The following DYSF variants were observed in gnomAD, a reference collection of about 807,000 sequenced individuals.
DYSF encodes the protein dysferlin, also known as dystrophy-associated fer-1-like 1.
DYSF carries 212 observed loss-of-function variants against 274.9 expected under a neutral mutation model. The observed-to-expected ratio is 0.77, with a 90% CI of 0.69 to 0.86. The LOEUF is 0.86. Ranked by LOEUF, DYSF falls within the 40% of genes least tolerant of loss-of-function variation. The pLI is 0.00. For synonymous variants in DYSF, 1,091 were observed against 1,078.7 expected (o/e 1.01, Z -0.22); for missense variants, 2,666 against 2,783.2 (o/e 0.96, Z 0.95).
At position 71,503,264 on chromosome 2, in the gene DYSF, G is replaced by T; in HGVS notation, c.290G>T (p.Ser97Ile). ...CTCCGAGAGGTCCTCGCCACCCCTA[G>T]TCTGTCCGCCAGCTTCAATGCCCCC... ...VPLREVLATP[S>I]LSASFNAPLL... is the part of the protein sequence containing the mutation. The change falls in exon 4 of 56, where the codon AGT (serine) becomes ATT (isoleucine). Residue 97 changes from serine to isoleucine, a missense_variant. By Grantham distance (142) the Ser-to-Ile change is moderately radical. Coordinates refer to ENST00000410020, the MANE Select transcript of DYSF (RefSeq NM_001130987.2). The T allele has an allele frequency of 6.2e-7, 1 of 1,614,134 alleles. No homozygotes were observed. Among genetic ancestry groups the T allele is most frequent in the Non-Finnish European group, 8.5e-7 (1 of 1,180,000 alleles).
intron 30 of DYSF, among the ~76,000 whole-genome samples, chr2:71,578,168 G>A (rs553971375): frequency 1.3e-5 from 2 of 152,280 alleles, no homozygotes; most frequent in African/African-American, 2.4e-5. Context: ...GGTGGGCCCC[G>A]AGAATCTCTG....
Position 71,598,633 on chromosome 2 carries a change from C to T in DYSF, c.3644C>T (p.Pro1215Leu). The T allele has an allele frequency of 6.2e-7, 1 of 1,614,200 alleles. No individual in the cohort carries two copies. ...GTGGTGGTGAAGAACACCCTTAACC[C>T]CACCTGGGACCAGACGCTCATCTTC... ...KTVVVKNTLNPTWDQTLIFYE... is the reference protein window; with the variant it reads ...KTVVVKNTLNLTWDQTLIFYE... The change falls in exon 33 of 56, where the codon CCC (proline) becomes CTC (leucine). Residue 1215 changes from proline to leucine, a missense_variant. Coordinates refer to ENST00000410020, the MANE Select transcript of DYSF (RefSeq NM_001130987.2).
At chr2:71,538,846 C>T (rs139318405) in intron 16 of DYSF, among the ~76,000 whole-genome samples, 2 of 152,314 alleles carry the variant, frequency 1.3e-5, no homozygotes, top group East Asian at 3.9e-4. Flanking sequence ...CCTCTGGCCT[C>T]CTCCCTGTCA....
intron 4 of DYSF, among the ~76,000 whole-genome samples, chr2:71,508,520 AT>A (rs1033087817): frequency 1.3e-5 from 2 of 152,066 alleles, no homozygotes; most frequent in African/African-American, 2.4e-5. Context: ...GTAGCTGGAT[AT>A]TTTTTTGAAA....
intron 38 of DYSF, among the ~76,000 whole-genome samples, chr2:71,612,033 TCAGGCCCTC>T (rs1286572966): frequency 1.3e-5 from 2 of 152,096 alleles, no homozygotes; most frequent in Non-Finnish European, 2.9e-5. Context: ...CCCACAGCCC[TCAGGCCCTC>T]CAGGCCTCTC....
intron 17 of DYSF, among the ~76,000 whole-genome samples, chr2:71,544,733 C>T (rs1008511681): frequency 3.3e-5 from 5 of 152,088 alleles, no homozygotes; most frequent in South Asian, 4.1e-4. Flanking sequence ...ATGTTAACAT[C>T]GTTTTTAAGC....
At chr2:71,653,626 C>T (rs1275177064) in intron 42 of DYSF, among the ~76,000 whole-genome samples, 11 of 127,196 alleles carry the variant, frequency 8.6e-5, no homozygotes, top group Non-Finnish European at 1.4e-4. Context: ...CACATGGACA[C>T]AGGAAGGGGA....
At chr2:71,645,585 A>G (rs1182439353) in intron 42 of DYSF, among the ~76,000 whole-genome samples, 1 of 151,310 alleles carries the variant, frequency 6.6e-6, no homozygotes, top group East Asian at 2.0e-4. Flanking sequence ...GCAGGCCAGG[A>G]TGGTCTTGGG....
intron 4 of DYSF, among the ~76,000 whole-genome samples, chr2:71,509,488 T>A (rs1184855991): frequency 1.3e-5 from 2 of 152,216 alleles, no homozygotes; most frequent in Non-Finnish European, 2.9e-5. Context: ...ATATCACTGC[T>A]GTTTCTTGGT....
intron 3 of DYSF, among the ~76,000 whole-genome samples, chr2:71,497,286 G>C (rs1478402292): frequency 6.6e-6 from 1 of 152,150 alleles, no homozygotes; most frequent in Non-Finnish European, 1.5e-5. Context: ...TTTAAAGACT[G>C]TTTGGTGGTG....
At chr2:71,497,001 A>G (rs1167241313) in intron 3 of DYSF, among the ~76,000 whole-genome samples, 2 of 152,206 alleles carry the variant, frequency 1.3e-5, no homozygotes, top group Non-Finnish European at 2.9e-5. Context: ...GTGTGAAATC[A>G]GGCAAGTCAA....
chr2:71,503,025 G>C (rs1393135722), intron 3 of DYSF, among the ~76,000 whole-genome samples, 189 bp from the exon 4 acceptor site: 4 of 152,108 alleles, frequency 2.6e-5, no homozygotes, highest in African/African-American at 4.8e-5. Flanking sequence ...TTCCCTAGGG[G>C]CCAGGCCTTC....
chr2:71,685,459 CTCAT>C (rs1447334295), intron 55 of DYSF, among the ~76,000 whole-genome samples: 1 of 152,202 alleles, frequency 6.6e-6, no homozygotes, highest in Non-Finnish European at 1.5e-5. Context: ...ACCCAAGTCA[CTCAT>C]TCATTTGGCC....
At chr2:71,659,150 A>C (rs2094831791) in intron 44 of DYSF, 117 bp downstream of exon 44, 1 of 1,375,140 alleles carries the variant, frequency 7.3e-7, no homozygotes, top group Non-Finnish European at 1.0e-6. Flanking sequence ...GAAACAGACA[A>C]ACACACAAAA....
intron 21 of DYSF, 33 bp from the exon 22 acceptor site, chr2:71,555,932 G>A: frequency 6.5e-7 from 1 of 1,526,974 alleles, no homozygotes; most frequent in Non-Finnish European, 8.9e-7. Context: ...GCCCTGTGGT[G>A]ACACACCTGA....
intron 13 of DYSF, 27 bp from the exon 14 acceptor site, chr2:71,528,271 C>T: frequency 4.4e-6 from 7 of 1,593,722 alleles, no homozygotes; most frequent in Non-Finnish European, 6.0e-6. Context: ...AGCAGGCAGG[C>T]AGTGACTGGT....
chr2:71,478,490 T>A (rs185507076), intron 1 of DYSF, among the ~76,000 whole-genome samples: 1 of 152,056 alleles, frequency 6.6e-6, no homozygotes, highest in Non-Finnish European at 1.5e-5. Context: ...GGATTACAGG[T>A]GTGAGCCACC....
intron 22 of DYSF, among the ~76,000 whole-genome samples, chr2:71,560,174 G>C (rs943933678): frequency 6.6e-6 from 1 of 152,250 alleles, no homozygotes; most frequent in Non-Finnish European, 1.5e-5. Flanking sequence ...AGGAGGGAAA[G>C]AGCCGAGACA....
chr2:71,656,079 T>G, intron 42 of DYSF, 83 bp from the exon 43 acceptor site: 2 of 1,536,852 alleles, frequency 1.3e-6, no homozygotes, highest in Non-Finnish European at 1.8e-6. Context: ...ATGTTTCCCC[T>G]CCTTCTCTTG....
Sources: allele counts gnomAD v4.1 joint callset (sites outside exome capture counted in the v4.1 genomes callset), GRCh38; gene constraint gnomAD v4.1.1; transcripts MANE v1.5; gene names NCBI Gene and HGNC (gene_info 2026-07-23, HGNC 2026-07-21).